Variants in CBFA2T3 observed in about 807,000 individuals in gnomAD.
The protein encoded by CBFA2T3 is transcriptional corepressor CBFA2T3.
A neutral mutation model predicts 58.6 loss-of-function variants in CBFA2T3; 31 were observed. That is an observed-to-expected ratio of 0.53 (90% CI 0.40 to 0.71). CBFA2T3 has a LOEUF of 0.71. CBFA2T3 is among the 30% of genes least tolerant of loss of function. The probability of loss-of-function intolerance (pLI) is 0.00; values close to 1 mark genes in which losing one functional copy is unlikely to be tolerated. For synonymous variants in CBFA2T3, 531 were observed against 421.9 expected, an observed-to-expected ratio of 1.26 and a Z score of -3.17; for missense variants, 1,076 against 963.1, an observed-to-expected ratio of 1.12 and a Z score of -1.55.
chr16:88,893,551 G>C (rs1438209597), intron 3 of CBFA2T3, among the ~76,000 whole-genome samples: 1 of 152,202 alleles, frequency 6.6e-6, no homozygotes, highest in Non-Finnish European at 1.5e-5. Flanking sequence ...GGACACACTG[G>C]GTGGGTTCCT....
chr16:88,968,969 G>T (rs1972582178), intron 1 of CBFA2T3, among the ~76,000 whole-genome samples: 1 of 152,212 alleles, frequency 6.6e-6, no homozygotes, highest in African/African-American at 2.4e-5. Context: ...GGGGCCAGGA[G>T]CCTAAGATCT....
At chr16:88,896,195 G>A (rs1969880388) in intron 3 of CBFA2T3, among the ~76,000 whole-genome samples, 1 of 152,176 alleles carries the variant, frequency 6.6e-6, no homozygotes, top group Non-Finnish European at 1.5e-5. Context: ...AAAACCTTGA[G>A]TGCACGCGTG....
intron 1 of CBFA2T3, among the ~76,000 whole-genome samples, chr16:88,963,686 G>T (rs770133388): frequency 6.6e-6 from 1 of 152,234 alleles, no homozygotes; most frequent in African/African-American, 2.4e-5. Flanking sequence ...GAAGCACCGC[G>T]CTGCAGTGCG....
intron 1 of CBFA2T3, chr16:88,941,850 TTGGGGGGTG>T (rs1351695723): frequency 1.6e-4 from 9 of 55,466 alleles, no homozygotes; most frequent in Non-Finnish European, 3.1e-4. Flanking sequence ...TGAACGGGAG[TTGGGGGGTG>T]TGGGGGGGGT....
At chr16:88,975,181 T>TATCAAAGGGCCACCCTGATC (rs1567643999) in intron 1 of CBFA2T3, among the ~76,000 whole-genome samples, 1 of 47,762 alleles carries the variant, frequency 2.1e-5, no homozygotes, top group East Asian at 1.0e-3. Flanking sequence ...CTGCTCCACA[T>TATCAAAGGGCCACCCTGATC]CTTTAGCCAT....
chr16:88,921,272 A>G (rs909179121), intron 1 of CBFA2T3, among the ~76,000 whole-genome samples: 2 of 152,242 alleles, frequency 1.3e-5, no homozygotes, highest in African/African-American at 2.4e-5. Flanking sequence ...ATAAATGAAT[A>G]CCAATTAACT....
At chr16:88,965,980 A>C (rs11859925) in intron 1 of CBFA2T3, among the ~76,000 whole-genome samples, 27,596 of 152,034 alleles carry the variant, frequency 0.18, 2,736 homozygotes, top group Middle Eastern at 0.28. Context: ...AGGGGAGGGG[A>C]CGGGGGCCCA....
chr16:88,975,760 G>A (rs1465914670), intron 1 of CBFA2T3, among the ~76,000 whole-genome samples: 1 of 152,260 alleles, frequency 6.6e-6, no homozygotes, highest in Non-Finnish European at 1.5e-5. Context: ...CTGCAGGTGG[G>A]AACAGCCTCA....
At chr16:88,897,088 G>C (rs996816205) in intron 3 of CBFA2T3, among the ~76,000 whole-genome samples, 16 of 152,236 alleles carry the variant, frequency 1.1e-4, no homozygotes, top group African/African-American at 3.6e-4. Flanking sequence ...AGATGCGACA[G>C]AGGCACCCTA....
rs550021277 is a variant in CBFA2T3 at position 88,967,052 on chromosome 16, C to T, written c.151+9605G>A. ...TTGTTTGTAGCACGGGAAATTGACG[C>T]ACTCAACCTCTCTCCATAGGGAAGC... On this transcript the variant is annotated intron_variant, in intron 1 of 11. Coordinates refer to ENST00000268679, the MANE Select transcript of CBFA2T3 (RefSeq NM_005187.6). 8.5e-5 allele frequency among the ~76,000 whole-genome samples: 13 copies of T among 152,290 alleles called. No homozygotes were observed. The South Asian group carries it at 2.3e-3, about 27-fold the overall frequency.
chr16:88,961,403 C>T (rs1381211113), intron 1 of CBFA2T3, among the ~76,000 whole-genome samples: 1 of 151,884 alleles, frequency 6.6e-6, no homozygotes, highest in East Asian at 1.9e-4. Context: ...CAGCGCTGGA[C>T]ATTCCCACTC....
chr16:88,888,816 C>T (rs531921122), intron 5 of CBFA2T3, among the ~76,000 whole-genome samples: 41 of 151,822 alleles, frequency 2.7e-4, no homozygotes, highest in South Asian at 6.2e-4. Context: ...GGTGGGGGCA[C>T]GAGGTGGGCT....
At chr16:88,951,345 T>G in intron 1 of CBFA2T3, 1 of 457,412 alleles carries the variant, frequency 2.2e-6, no homozygotes, top group Non-Finnish European at 4.4e-6. Flanking sequence ...CATCCCTCCC[T>G]TTGTTTGTTG....
chr16:88,936,340 G>A (rs1353149929), intron 1 of CBFA2T3, among the ~76,000 whole-genome samples: 1 of 152,188 alleles, frequency 6.6e-6, no homozygotes, highest in Non-Finnish European at 1.5e-5. Context: ...CTGCCCCGGT[G>A]CCTGGACTTC....
chr16:88,953,071 G>GA lies in CBFA2T3; in HGVS notation c.151+23585dup, dbSNP rs1219544983. On this transcript the variant is annotated intron_variant, in intron 1 of 11. Transcript: ENST00000268679. This position sits in a 1 kb window ranked among gnomAD's most constrained non-coding sequence, Gnocchi z 4.9. The stretch of plus-strand genomic sequence containing the variant: ...AATGAGTGACCGTCCTCACCCACGA[G>GA]AAAAAACACAACCTGGTCTCCGTCT... Among the ~76,000 whole-genome samples, 1 of 152,190 alleles carries GA rather than the reference G, an allele frequency of 6.6e-6. No homozygotes were observed. The highest frequency in any genetic ancestry group is 1.5e-5 in the Non-Finnish European group (1 of 68,042).
chr16:88,954,552 GC>G (rs1972167372), intron 1 of CBFA2T3, among the ~76,000 whole-genome samples: 1 of 77,348 alleles, frequency 1.3e-5, no homozygotes, highest in Non-Finnish European at 2.6e-5. Context: ...CCTGACCTCA[GC>G]CAAGGCTCCT....
chr16:88,931,567 C>T lies in CBFA2T3; in HGVS notation c.152-29911G>A, dbSNP rs554831996. The stretch of plus-strand genomic sequence containing the variant: ...GGACGAGCCAGAGGTGGAGAAGGGC[C>T]GTGGGCCGGCCCCGTGGATGAGCCA... On this transcript the variant is annotated intron_variant, in intron 1 of 11. Transcript: ENST00000268679. Among the ~76,000 whole-genome samples, 347 of 151,514 alleles carry T rather than the reference C, an allele frequency of 2.3e-3. 2 individuals are homozygous for T. Among genetic ancestry groups the T allele is most frequent in the African/African-American group, 8.0e-3 (331 of 41,186 alleles).
At chr16:88,896,283 T>G (rs900201239) in intron 3 of CBFA2T3, among the ~76,000 whole-genome samples, 8 of 152,148 alleles carry the variant, frequency 5.3e-5, no homozygotes, top group African/African-American at 1.9e-4. Context: ...CACACGCTGT[T>G]CTGAGCGGCT....
intron 1 of CBFA2T3, among the ~76,000 whole-genome samples, chr16:88,902,205 G>A (rs913428126): frequency 2.6e-5 from 4 of 152,146 alleles, no homozygotes; most frequent in Non-Finnish European, 4.4e-5. Flanking sequence ...GCTGGGGGGC[G>A]GGGGACGGTG....
Sources: allele counts gnomAD v4.1 joint callset (sites outside exome capture counted in the v4.1 genomes callset), GRCh38; gene constraint gnomAD v4.1.1; non-coding constraint Gnocchi (gnomAD v3.1); transcripts MANE v1.5; gene names NCBI Gene and HGNC (gene_info 2026-07-23, HGNC 2026-07-21).